Variants in LARGE1 observed in about 807,000 individuals in gnomAD.
LARGE1 encodes LARGE xylosyl- and glucuronyltransferase 1.
In LARGE1, 43 loss-of-function variants were observed where a neutral mutation model predicts 87.6. The observed-to-expected ratio is 0.49, with a 90% CI of 0.38 to 0.63. The LOEUF (loss-of-function observed/expected upper bound fraction) is 0.63, where lower values mean the gene tolerates loss of function less well. Ranked by LOEUF, LARGE1 falls within the 30% of genes least tolerant of loss-of-function variation. LARGE1 has a pLI of 0.00. For synonymous variants in LARGE1, 434 were observed against 394.6 expected (o/e 1.10, Z -1.18); for missense variants, 802 against 1,000.2 (o/e 0.80, Z 2.67).
chr22:33,468,435 C>T lies in LARGE1; in HGVS notation c.788-36170G>A, dbSNP rs77859256. Among the ~76,000 whole-genome samples, 125 of 152,248 alleles carry T rather than the reference C, an allele frequency of 8.2e-4. 1 individual carries two copies. In the East Asian group the frequency reaches 0.023, roughly 28 times the overall value. ...TGGGCAACACAGCAAGCTCCCATCTCCTTTTAAAAACACAAATAAACAAAC... is the reference window on the plus strand; with the variant it reads ...TGGGCAACACAGCAAGCTCCCATCTTCTTTTAAAAACACAAATAAACAAAC... On this transcript the variant is annotated intron_variant, in intron 6 of 14. Coordinates refer to ENST00000397394, the MANE Select transcript of LARGE1 (RefSeq NM_133642.5).
intron 7 of LARGE1, among the ~76,000 whole-genome samples, chr22:33,404,021 A>G (rs552647491): frequency 6.6e-6 from 1 of 152,350 alleles, no homozygotes; most frequent in Admixed American, 6.5e-5. Flanking sequence ...ATCTGAAAAT[A>G]GAAATCATAG....
intron 1 of LARGE1, among the ~76,000 whole-genome samples, chr22:33,767,854 G>A (rs973386837): frequency 5.3e-5 from 8 of 152,336 alleles, no homozygotes; most frequent in African/African-American, 1.7e-4. Context: ...GATCCTAGGT[G>A]CATATAACAG....
intron 12 of LARGE1, among the ~76,000 whole-genome samples, chr22:33,292,794 G>A (rs766243319): frequency 5.3e-5 from 8 of 152,134 alleles, no homozygotes; most frequent in Non-Finnish European, 1.2e-4. Flanking sequence ...CTTTTTAATC[G>A]GATGATGTAG....
chr22:33,553,997 G>C (rs566326135), intron 6 of LARGE1, among the ~76,000 whole-genome samples: 1 of 152,290 alleles, frequency 6.6e-6, no homozygotes, highest in East Asian at 1.9e-4. Context: ...CCAGTAAGCA[G>C]CACAGAGCTA....
chr22:33,131,059 AAAGT>A, the LARGE1 span, among the ~76,000 whole-genome samples: 2 of 138,294 alleles, frequency 1.4e-5, no homozygotes, highest in Non-Finnish European at 3.2e-5. Context: ...AAAAAAAAAA[AAAGT>A]AACTATCGAA....
intron 11 of LARGE1, among the ~76,000 whole-genome samples, chr22:33,223,109 A>G (rs1925540427): frequency 6.6e-6 from 1 of 152,180 alleles, no homozygotes; most frequent in Admixed American, 6.5e-5. Context: ...TCGCTTTCCA[A>G]CAGGCTGACC....
intron 8 of LARGE1, 105 bp downstream of exon 8, chr22:33,384,087 C>T: frequency 1.2e-6 from 1 of 860,052 alleles, no homozygotes; most frequent in South Asian, 1.3e-5. Flanking sequence ...CACAGAGTCA[C>T]ACAATACGTA....
chr22:33,185,960 C>G (rs1923452342), intron 11 of LARGE1, among the ~76,000 whole-genome samples: 1 of 151,936 alleles, frequency 6.6e-6, no homozygotes, highest in Non-Finnish European at 1.5e-5. Context: ...GAATTTCTAC[C>G]TTATCAAACC....
At chr22:33,396,189 C>T (rs2065732922) in intron 7 of LARGE1, among the ~76,000 whole-genome samples, 1 of 152,248 alleles carries the variant, frequency 6.6e-6, no homozygotes, top group African/African-American at 2.4e-5. Flanking sequence ...AGCGTGCAGA[C>T]TCTCATCTCA....
chr22:33,652,336 T>C lies in LARGE1; in HGVS notation c.107-1668A>G, dbSNP rs1171546645. 2.0e-5 allele frequency among the ~76,000 whole-genome samples: 3 copies of C among 152,058 alleles called. No individual in the cohort carries two copies. In the East Asian group the frequency reaches 5.8e-4, roughly 29 times the overall value. On this transcript the variant is annotated intron_variant, in intron 2 of 14. Transcript: ENST00000397394. ...TCTCCACTTCAATAAACTTTCATTA[T>C]AGGCTATTCAGAGAGCTAACATTAA...
intron 1 of LARGE1, among the ~76,000 whole-genome samples, chr22:33,809,028 T>C (rs1276901220): frequency 3.1e-5 from 4 of 131,134 alleles, no homozygotes; most frequent in Non-Finnish European, 6.2e-5. Context: ...TCCCAGCACT[T>C]TGGGAGGCCA....
intron 6 of LARGE1, among the ~76,000 whole-genome samples, chr22:33,519,300 C>G (rs2071460096): frequency 6.6e-6 from 1 of 151,934 alleles, no homozygotes; most frequent in African/African-American, 2.4e-5. Context: ...AAAGGAGACC[C>G]AGGGGGGCTC....
intron 4 of LARGE1, among the ~76,000 whole-genome samples, chr22:33,622,260 T>TAGTGAGTG (rs2079778563): frequency 6.6e-6 from 1 of 152,170 alleles, no homozygotes; most frequent in African/African-American, 2.4e-5. Context: ...GTTCTCATGA[T>TAGTGAGTG]AGTGAGCGAG....
rs189077251 is a variant in LARGE1, at chr22:33,532,886, G to A, written c.787+31962C>T. Among the ~76,000 whole-genome samples the A allele has an allele frequency of 7.2e-5, 11 of 152,304 alleles. No individual in the cohort carries two copies. In the East Asian group the frequency reaches 2.1e-3, roughly 29 times the overall value. On this transcript the variant is annotated intron_variant, in intron 6 of 14. Coordinates refer to ENST00000397394, the MANE Select transcript of LARGE1 (RefSeq NM_133642.5). ...TCCAGTTAGTCGTTTACTTGAAATG[G>A]CCACTGAGAGCATGAGCTAGTGCCC...
chr22:33,152,299 TG>T, the LARGE1 span, among the ~76,000 whole-genome samples: 1 of 152,224 alleles, frequency 6.6e-6, no homozygotes, highest in Non-Finnish European at 1.5e-5. Flanking sequence ...AGTGGCATGC[TG>T]GCTGGTGCTG....
chr22:33,754,436 T>C (rs963013851), intron 2 of LARGE1, among the ~76,000 whole-genome samples: 1 of 151,724 alleles, frequency 6.6e-6, no homozygotes, highest in African/African-American at 2.4e-5. Context: ...CCCAGGTTCA[T>C]GCCATTCACC....
intron 9 of LARGE1, among the ~76,000 whole-genome samples, chr22:33,364,339 G>A (rs1027279800): frequency 2.0e-5 from 3 of 152,164 alleles, no homozygotes; most frequent in Non-Finnish European, 4.4e-5. Context: ...TTACAGGCGT[G>A]AGCCACTGTG....
At chr22:33,359,688 C>A (rs1305880130) in intron 9 of LARGE1, among the ~76,000 whole-genome samples, 4 of 148,986 alleles carry the variant, frequency 2.7e-5, no homozygotes, top group Non-Finnish European at 4.5e-5. Context: ...CTCAGCTTCT[C>A]GAGTAGCTGG....
chr22:33,219,983 G>A (rs905445185), intron 11 of LARGE1, among the ~76,000 whole-genome samples: 2 of 152,116 alleles, frequency 1.3e-5, no homozygotes, highest in Admixed American at 6.5e-5. Flanking sequence ...GAAAAGAAAA[G>A]AAAAATACTT....
Sources: gnomAD v4.1 joint callset for allele counts (sites outside exome capture counted in the v4.1 genomes callset) on GRCh38, gnomAD v4.1.1 for gene constraint, MANE v1.5 for transcripts, NCBI Gene and HGNC (gene_info 2026-07-23, HGNC 2026-07-21) for gene names.